Variants in CAMKMT observed in about 807,000 individuals in gnomAD.
CAMKMT encodes CaM KMT.
In CAMKMT, 53 loss-of-function variants were observed where a neutral mutation model predicts 48.0. The ratio of observed to expected loss-of-function variants is 1.10; its 90% CI spans 0.89 to 1.39. The LOEUF (loss-of-function observed/expected upper bound fraction) is 1.39. CAMKMT is among the 40% of genes most tolerant of loss of function. The pLI is 0.00. For synonymous variants in CAMKMT, 165 were observed against 152.3 expected, an observed-to-expected ratio of 1.08 and a Z score of -0.61; for missense variants, 428 against 402.7, an observed-to-expected ratio of 1.06 and a Z score of -0.54.
chr2:44,433,470 C>A (rs369192517), intron 3 of CAMKMT, among the ~76,000 whole-genome samples: 18 of 151,356 alleles, frequency 1.2e-4, no homozygotes, highest in African/African-American at 4.1e-4. Context: ...AGTTTGTATA[C>A]GAAAAGATGT....
chr2:44,683,715 C>T (rs1419576289), intron 3 of CAMKMT, among the ~76,000 whole-genome samples: 5 of 143,088 alleles, frequency 3.5e-5, no homozygotes, highest in African/African-American at 1.0e-4. Context: ...CCCAGCTACT[C>T]GGGAGGCTGA....
intron 3 of CAMKMT, among the ~76,000 whole-genome samples, chr2:44,534,115 A>G (rs983783591): frequency 2.6e-5 from 4 of 152,218 alleles, no homozygotes; most frequent in African/African-American, 4.8e-5. Context: ...CAAAACAGTA[A>G]AAAGACACAA....
intron 3 of CAMKMT, among the ~76,000 whole-genome samples, chr2:44,619,395 A>C (rs1558748689): frequency 6.6e-6 from 1 of 152,134 alleles, no homozygotes; most frequent in African/African-American, 2.4e-5. Context: ...AAATATAATA[A>C]TTTGTAATTC....
At chr2:44,738,802 A>G (rs914297486) in intron 7 of CAMKMT, among the ~76,000 whole-genome samples, 7 of 152,232 alleles carry the variant, frequency 4.6e-5, no homozygotes, top group Admixed American at 1.3e-4. Flanking sequence ...TGGACTGAAA[A>G]TAAATGATTG....
At chr2:44,594,426 A>C (rs1670521797) in intron 3 of CAMKMT, among the ~76,000 whole-genome samples, 1 of 152,234 alleles carries the variant, frequency 6.6e-6, no homozygotes, top group Non-Finnish European at 1.5e-5. Context: ...ACAAGGCTGC[A>C]GTAACCAAAA....
chr2:44,515,414 A>T (rs698780), intron 3 of CAMKMT, among the ~76,000 whole-genome samples: 18,464 of 152,130 alleles, frequency 0.12, 1,787 homozygotes, highest in African/African-American at 0.26. Flanking sequence ...CTGGTAAGGG[A>T]TATCTATAAT....
At chr2:44,651,445 A>G (rs1558771356) in intron 3 of CAMKMT, among the ~76,000 whole-genome samples, 1 of 152,324 alleles carries the variant, frequency 6.6e-6, no homozygotes, top group African/African-American at 2.4e-5. Context: ...GCACTTTGCT[A>G]GGCCGAGGCG....
At chr2:44,521,618 G>A (rs754900445) in intron 3 of CAMKMT, among the ~76,000 whole-genome samples, 2 of 152,190 alleles carry the variant, frequency 1.3e-5, no homozygotes, top group Non-Finnish European at 2.9e-5. Context: ...GAGGCATAAC[G>A]AGGTTAGGCA....
chr2:44,371,170 G>A (rs895332913), intron 1 of CAMKMT, among the ~76,000 whole-genome samples: 37 of 151,972 alleles, frequency 2.4e-4, no homozygotes, highest in African/African-American at 6.0e-4. Flanking sequence ...TTTTTAGTAA[G>A]GATGGGGTTT....
At chr2:44,496,123 A>G (rs992239521) in intron 3 of CAMKMT, among the ~76,000 whole-genome samples, 6 of 152,194 alleles carry the variant, frequency 3.9e-5, no homozygotes, top group Admixed American at 1.3e-4. Flanking sequence ...TTCTATTGTA[A>G]AAGTCCTCAG....
intron 3 of CAMKMT, among the ~76,000 whole-genome samples, chr2:44,513,103 A>T (rs1670650206): frequency 6.6e-6 from 1 of 152,180 alleles, no homozygotes; most frequent in African/African-American, 2.4e-5. Flanking sequence ...TTATTTTCAC[A>T]TCTATGCTAG....
chr2:44,708,744 C>G (rs560147892), intron 6 of CAMKMT, among the ~76,000 whole-genome samples: 7 of 148,584 alleles, frequency 4.7e-5, no homozygotes, highest in Non-Finnish European at 7.6e-5. Context: ...TCACTGTGCT[C>G]CTCCTCCTTA....
intron 3 of CAMKMT, among the ~76,000 whole-genome samples, chr2:44,672,630 C>T (rs775485756): frequency 9.2e-5 from 14 of 152,068 alleles, no homozygotes; most frequent in Admixed American, 1.3e-4. Flanking sequence ...GACTATGCCC[C>T]GGGAGTATAA....
intron 3 of CAMKMT, among the ~76,000 whole-genome samples, chr2:44,595,856 C>A (rs1197364253): frequency 1.3e-5 from 2 of 152,038 alleles, no homozygotes; most frequent in Non-Finnish European, 2.9e-5. Context: ...AAGCTGGAAA[C>A]CATCATTCTC....
At chr2:44,671,627 T>G (rs1222550531) in intron 3 of CAMKMT, among the ~76,000 whole-genome samples, 43 of 152,200 alleles carry the variant, frequency 2.8e-4, no homozygotes, top group Admixed American at 2.8e-3. Context: ...CCTCCTCTGG[T>G]TGAGAACCAC....
At chr2:44,589,329 C>T (rs1239092452) in intron 3 of CAMKMT, among the ~76,000 whole-genome samples, 1 of 53,492 alleles carries the variant, frequency 1.9e-5, no homozygotes, top group East Asian at 3.0e-4. Context: ...GCCCGGCCGC[C>T]CCTACTGGGA....
chr2:44,698,495 G>A (rs1031498003), intron 3 of CAMKMT, among the ~76,000 whole-genome samples: 1 of 152,164 alleles, frequency 6.6e-6, no homozygotes, highest in Admixed American at 6.5e-5. Flanking sequence ...GCATATAAAA[G>A]TTTGCACTAT....
chr2:44,412,865 C>T (rs944653627), intron 3 of CAMKMT, among the ~76,000 whole-genome samples: 2 of 151,344 alleles, frequency 1.3e-5, no homozygotes, highest in African/African-American at 4.9e-5. Flanking sequence ...TACCTGAGGT[C>T]AGGAGTTTGA....
intron 3 of CAMKMT, among the ~76,000 whole-genome samples, chr2:44,407,961 T>C (rs1290407411): frequency 2.0e-5 from 3 of 151,622 alleles, no homozygotes; most frequent in Non-Finnish European, 4.4e-5. Context: ...ATACTGGGAA[T>C]GATCAGGGAA....
Sources: allele counts gnomAD v4.1 joint callset (sites outside exome capture counted in the v4.1 genomes callset), GRCh38; gene constraint gnomAD v4.1.1; transcripts MANE v1.5; gene names NCBI Gene and HGNC (gene_info 2026-07-23, HGNC 2026-07-21).